Variants in ZNF451 observed in about 807,000 individuals in gnomAD.
ZNF451 encodes the protein zinc finger protein 451, also known as E3 SUMO-protein ligase ZNF451.
A neutral mutation model predicts 107.1 loss-of-function variants in ZNF451; 80 were observed. The observed-to-expected ratio is 0.75, with a 90% CI of 0.62 to 0.90. The LOEUF is 0.90. Ranked by LOEUF, ZNF451 falls within the 40% of genes least tolerant of loss-of-function variation. The pLI is 0.00. For missense variants in ZNF451, 1,107 were observed against 1,236.2 expected (o/e 0.90, Z 1.57); for synonymous variants, 362 against 406.5 (o/e 0.89, Z 1.32).
chr6:57,101,547 GT>G (rs1255112978), intron 3 of ZNF451: 1 of 1,550,928 alleles, frequency 6.4e-7, no homozygotes, highest in African/African-American at 1.4e-5. Context: ...TGGGTTGTAG[GT>G]TTTACCACGC....
intron 7 of ZNF451, among the ~76,000 whole-genome samples, chr6:57,138,787 AT>A (rs1253648141): frequency 0.018 from 1,696 of 96,656 alleles, 30 homozygotes; most frequent in Non-Finnish European, 0.023. Flanking sequence ...ATATATATAT[AT>A]AAAATTTTTT....
chr6:57,095,187 C>G (rs1180019779), intron 2 of ZNF451, among the ~76,000 whole-genome samples: 1 of 152,108 alleles, frequency 6.6e-6, no homozygotes, highest in African/African-American at 2.4e-5. Flanking sequence ...TCCACTCAAT[C>G]TCTTTGCCAT....
chr6:57,090,241 G>T lies in ZNF451; in HGVS notation c.-13G>T, dbSNP rs367768959. ...GCAGGAGCAGTGGTGCTGTCAGCGC[G>T]GCCGTCGGAGACATGGGAGACCCGG... On this transcript the variant is annotated 5_prime_UTR_variant, in exon 1 of 15. Coordinates refer to ENST00000370706, the MANE Select transcript of ZNF451 (RefSeq NM_001031623.3). The T allele has an allele frequency of 5.0e-6, 8 of 1,610,298 alleles. No individual in the cohort carries two copies. Among genetic ancestry groups the T allele is most frequent in the Non-Finnish European group, 6.8e-6 (8 of 1,179,000 alleles).
intron 3 of ZNF451, chr6:57,103,301 T>C (rs1298384260): frequency 1.0e-6 from 1 of 984,910 alleles, no homozygotes; most frequent in Non-Finnish European, 1.2e-6. Flanking sequence ...TCTGGATATC[T>C]AAGTGATGAT....
intron 3 of ZNF451, chr6:57,100,947 T>C: frequency 6.4e-7 from 1 of 1,551,056 alleles, no homozygotes; most frequent in Non-Finnish European, 8.7e-7. Flanking sequence ...CTTCACAGCA[T>C]GGACGGGATG....
intron 14 of ZNF451, 49 bp from the exon 15 acceptor site, chr6:57,168,372 CAT>C (rs746833676): frequency 8.0e-7 from 1 of 1,252,372 alleles, no homozygotes; most frequent in South Asian, 1.3e-5. Context: ...AAATACAGCA[CAT>C]GTTGAGTTTT....
chr6:57,108,012 G>A (rs956897136), intron 3 of ZNF451: 2 of 524,724 alleles, frequency 3.8e-6, no homozygotes, highest in Non-Finnish European at 4.9e-6. Context: ...CGAATTTTTT[G>A]TATTTTTAGT....
chr6:57,159,849 T>A (rs915299670), intron 13 of ZNF451, among the ~76,000 whole-genome samples: 2 of 152,216 alleles, frequency 1.3e-5, no homozygotes, highest in Admixed American at 6.5e-5. Flanking sequence ...AAGGGCTTTT[T>A]AATGTATATT....
chr6:57,090,317 C>T (rs747127470), intron 1 of ZNF451, 43 bp downstream of exon 1: 1 of 1,605,896 alleles, frequency 6.2e-7, no homozygotes, highest in South Asian at 1.1e-5. Flanking sequence ...AGAGGCGAAC[C>T]GCGAAGGGTT....
chr6:57,159,366 C>T (rs557147554), intron 13 of ZNF451: 1 of 985,324 alleles, frequency 1.0e-6, no homozygotes, highest in Non-Finnish European at 1.2e-6. Flanking sequence ...CTGATCTTGA[C>T]TTTAAATTGT....
chr6:57,102,905 A>G, intron 3 of ZNF451: 1 of 985,418 alleles, frequency 1.0e-6, no homozygotes, highest in Non-Finnish European at 1.2e-6. Context: ...GTTGTTATCA[A>G]TCCTAATAGT....
intron 4 of ZNF451, among the ~76,000 whole-genome samples, chr6:57,125,967 C>T (rs1397514108): frequency 6.6e-6 from 1 of 151,924 alleles, no homozygotes; most frequent in African/African-American, 2.4e-5. Context: ...TTTTATGTGT[C>T]AAATCTCTTT....
chr6:57,109,019 A>C, intron 3 of ZNF451: 4 of 985,412 alleles, frequency 4.1e-6, no homozygotes, highest in Non-Finnish European at 4.8e-6. Flanking sequence ...TACATACACA[A>C]ATCTTTTCAT....
chr6:57,098,812 G>A (rs140587204), intron 2 of ZNF451, among the ~76,000 whole-genome samples: 91 of 152,218 alleles, frequency 6.0e-4, no homozygotes, highest in African/African-American at 2.1e-3. Flanking sequence ...CCTTTCCCAA[G>A]TAATTGACAT....
intron 13 of ZNF451, among the ~76,000 whole-genome samples, chr6:57,158,359 GC>G (rs1487291737): frequency 1.3e-5 from 2 of 148,588 alleles, no homozygotes; most frequent in African/African-American, 2.5e-5. Context: ...GGAAGAATGC[GC>G]TTTTTTTTTT....
At chr6:57,139,700 A>G (rs1316144410) in intron 7 of ZNF451, among the ~76,000 whole-genome samples, 1 of 152,172 alleles carries the variant, frequency 6.6e-6, no homozygotes, top group Non-Finnish European at 1.5e-5. Flanking sequence ...CAAGGTTTAG[A>G]AACTTAGATG....
intron 3 of ZNF451, 58 bp from the exon 4 acceptor site, chr6:57,124,676 G>A (rs1830835121): frequency 2.4e-6 from 3 of 1,237,310 alleles, no homozygotes; most frequent in Non-Finnish European, 3.5e-6. Flanking sequence ...ATGAATGGAT[G>A]TATATTATCC....
chr6:57,154,373 T>G (rs1763297937), intron 13 of ZNF451: 1 of 440,886 alleles, frequency 2.3e-6, no homozygotes. Context: ...TCACTTTGTT[T>G]CTGAAATTCC....
intron 14 of ZNF451, among the ~76,000 whole-genome samples, chr6:57,166,144 C>T (rs903971316): frequency 2.0e-4 from 31 of 152,142 alleles, no homozygotes; most frequent in African/African-American, 7.2e-4. Context: ...TCTCCCACCT[C>T]AGCCTCCCAA....
Sources: allele counts gnomAD v4.1 joint callset (sites outside exome capture counted in the v4.1 genomes callset), GRCh38; gene constraint gnomAD v4.1.1; transcripts MANE v1.5; gene names NCBI Gene and HGNC (gene_info 2026-07-23, HGNC 2026-07-21).